GRID2: variants seen among roughly 807,000 people sequenced by gnomAD.
GRID2 encodes the protein glutamate receptor ionotropic, delta-2.
GRID2 carries 33 observed loss-of-function variants against 114.8 expected under a neutral mutation model. The observed-to-expected ratio is 0.29, with a 90% CI of 0.22 to 0.38. The LOEUF (loss-of-function observed/expected upper bound fraction) is 0.38. Among genes scored for constraint, GRID2 ranks in the 10% least tolerant of loss-of-function variants. GRID2 has a pLI of 1.00. For missense variants in GRID2, 1,184 were observed against 1,257.7 expected, an observed-to-expected ratio of 0.94 and a Z score of 0.89; for synonymous variants, 505 against 449.9, an observed-to-expected ratio of 1.12 and a Z score of -1.55.
intron 2 of GRID2, among the ~76,000 whole-genome samples, chr4:92,892,414 G>A (rs1401318726): frequency 6.6e-6 from 1 of 151,782 alleles, no homozygotes; most frequent in East Asian, 1.9e-4. Flanking sequence ...AAAATTGAGG[G>A]AACTTTTTCT....
chr4:92,307,188 G>A (rs992788430), intron 1 of GRID2, among the ~76,000 whole-genome samples: 1 of 152,006 alleles, frequency 6.6e-6, no homozygotes, highest in Non-Finnish European at 1.5e-5. Flanking sequence ...GTTTGAATAG[G>A]AAAAGAATTA....
chr4:93,326,617 T>C (rs896026370), intron 8 of GRID2, among the ~76,000 whole-genome samples: 5 of 151,790 alleles, frequency 3.3e-5, no homozygotes, highest in Non-Finnish European at 7.4e-5. Flanking sequence ...TTTTCTTCTA[T>C]GTGAAGGCAA....
chr4:93,156,097 A>T (rs1737161463), intron 4 of GRID2, among the ~76,000 whole-genome samples: 2 of 151,830 alleles, frequency 1.3e-5, no homozygotes, highest in Non-Finnish European at 2.9e-5. Context: ...GAATATATTC[A>T]CCTGTTACAT....
At chr4:92,965,254 G>T (rs558258045) in intron 2 of GRID2, among the ~76,000 whole-genome samples, 1 of 151,480 alleles carries the variant, frequency 6.6e-6, no homozygotes, top group East Asian at 1.9e-4. Context: ...GGCATGATTT[G>T]TGTCCCCTCC....
intron 2 of GRID2, among the ~76,000 whole-genome samples, chr4:93,076,650 C>G (rs1048975495): frequency 7.4e-6 from 1 of 135,570 alleles, no homozygotes; most frequent in Non-Finnish European, 1.5e-5. Context: ...CAGAGTCTCT[C>G]TCTGTCACCC....
intron 2 of GRID2, among the ~76,000 whole-genome samples, chr4:92,728,399 G>A (rs1330308978): frequency 2.0e-5 from 3 of 152,148 alleles, no homozygotes; most frequent in South Asian, 2.1e-4. Flanking sequence ...TCATCTGAAG[G>A]TTTCACAGGG....
intron 4 of GRID2, among the ~76,000 whole-genome samples, chr4:93,166,391 G>T (rs1464588732): frequency 6.6e-6 from 1 of 152,146 alleles, no homozygotes; most frequent in Non-Finnish European, 1.5e-5. Flanking sequence ...AAGAAAAGAA[G>T]TCAGGTGACC....
intron 2 of GRID2, among the ~76,000 whole-genome samples, chr4:92,914,632 TATC>T (rs1300604952): frequency 1.3e-5 from 2 of 152,106 alleles, no homozygotes; most frequent in Non-Finnish European, 2.9e-5. Flanking sequence ...TGTGTGTTCT[TATC>T]ATTTAGTTCC....
intron 14 of GRID2, among the ~76,000 whole-genome samples, chr4:93,700,583 A>AGAAAT (rs1727424671): frequency 6.6e-6 from 1 of 152,164 alleles, no homozygotes; most frequent in Non-Finnish European, 1.5e-5. Context: ...AAATGAGGTA[A>AGAAAT]CTCTAGAAAG....
intron 1 of GRID2, among the ~76,000 whole-genome samples, chr4:93,805,818 C>T (rs906689330): frequency 4.6e-5 from 7 of 152,144 alleles, no homozygotes; most frequent in South Asian, 2.1e-4. Flanking sequence ...TATATTCGGC[C>T]GAGTGTGGTG....
At position 93,063,134 on chromosome 4, in the gene GRID2, C is replaced by A. The variant is rs192963704; in HGVS notation, c.245-21861C>A. Among the ~76,000 whole-genome samples the A allele has an allele frequency of 8.2e-3, 1,245 of 151,384 alleles. 15 individuals carry two copies. The highest frequency in any genetic ancestry group is 0.013 in the Non-Finnish European group (893 of 67,714). On this transcript the variant is annotated intron_variant, in intron 2 of 15. Transcript: ENST00000282020. ...TTTTGAAATACAAAACTTTCTCGGG[C>A]GAAAGGAGAAATTGAATAAATAGTA...
At chr4:92,797,576 CTT>C (rs982100032) in intron 2 of GRID2, among the ~76,000 whole-genome samples, 9 of 151,818 alleles carry the variant, frequency 5.9e-5, no homozygotes, top group African/African-American at 1.9e-4. Context: ...TTTGCATACA[CTT>C]TTAAGTTAAA....
rs181719857 is a variant in GRID2 at position 93,311,775 on chromosome 4, C to T, written c.1245+73285C>T. ...AAGAAGCAAAGAGTGATCAACAAGG[C>T]CAAATGATGCTTTGTGTTAAAATCA... On this transcript the variant is annotated intron_variant, in intron 8 of 15. Transcript: ENST00000282020. Among the ~76,000 whole-genome samples the T allele has an allele frequency of 2.5e-3, 384 of 152,172 alleles. 9 individuals carry two copies. Among genetic ancestry groups the T allele is most frequent in the Admixed American group, 0.021 (326 of 15,276 alleles).
intron 2 of GRID2, among the ~76,000 whole-genome samples, chr4:92,916,705 G>T (rs558707148): frequency 1.7e-3 from 262 of 152,208 alleles, no homozygotes; most frequent in Middle Eastern, 0.014. Flanking sequence ...ATTTTTTATA[G>T]CTGCATAGTA....
At chr4:93,189,773 C>CCACACACACACACACACA (rs34137840) in intron 4 of GRID2, among the ~76,000 whole-genome samples, 11 of 138,898 alleles carry the variant, frequency 7.9e-5, no homozygotes, top group African/African-American at 3.0e-4. Flanking sequence ...CCACACCACA[C>CCACACACACACACACACA]CACACACACA....
At chr4:92,375,666 G>C (rs1022875532) in intron 1 of GRID2, among the ~76,000 whole-genome samples, 3 of 152,112 alleles carry the variant, frequency 2.0e-5, no homozygotes, top group African/African-American at 7.2e-5. Flanking sequence ...CTACATTGGA[G>C]ATGTTGGAAA....
At chr4:92,513,634 T>A (rs1017397915) in intron 1 of GRID2, among the ~76,000 whole-genome samples, 2 of 151,852 alleles carry the variant, frequency 1.3e-5, no homozygotes, top group Non-Finnish European at 2.9e-5. Flanking sequence ...ACATTTTTTG[T>A]ATGGTGATTT....
At chr4:93,443,663 G>A (rs918966922) in intron 10 of GRID2, among the ~76,000 whole-genome samples, 1 of 151,868 alleles carries the variant, frequency 6.6e-6, no homozygotes, top group African/African-American at 2.4e-5. Flanking sequence ...TGGCATAAAT[G>A]GAGGTTTATC....
intron 1 of GRID2, among the ~76,000 whole-genome samples, chr4:92,351,295 A>T (rs1728057272): frequency 6.6e-6 from 1 of 151,882 alleles, no homozygotes; most frequent in African/African-American, 2.4e-5. Flanking sequence ...TTCTACAAGC[A>T]ATGTATGAAT....
Sources: allele counts gnomAD v4.1 joint callset (sites outside exome capture counted in the v4.1 genomes callset), GRCh38; gene constraint gnomAD v4.1.1; transcripts MANE v1.5; gene names NCBI Gene and HGNC (gene_info 2026-07-23, HGNC 2026-07-21).